The following RPH3A variants were observed in gnomAD, a reference collection of about 807,000 sequenced individuals.
RPH3A encodes rabphilin 3A.
RPH3A carries 48 observed loss-of-function variants against 102.2 expected under a neutral mutation model. The observed-to-expected ratio is 0.47, with a 90% CI of 0.37 to 0.60. RPH3A has a LOEUF of 0.60. Among genes scored for constraint, RPH3A ranks in the 20% least tolerant of loss-of-function variants. The pLI is 0.00. For synonymous variants in RPH3A, 310 were observed against 324.3 expected (o/e 0.96, Z 0.47); for missense variants, 781 against 910.1 (o/e 0.86, Z 1.83).
At chr12:112,660,645 A>G (rs538617872) in intron 1 of RPH3A, among the ~76,000 whole-genome samples, 8 of 152,300 alleles carry the variant, frequency 5.3e-5, no homozygotes, top group Non-Finnish European at 1.0e-4. Context: ...TGATTTCACA[A>G]TTGCACTCCA....
rs976419933 is a variant in RPH3A at position 112,858,336 on chromosome 12, A to G, written c.231-7078A>G. Among the ~76,000 whole-genome samples the G allele has an allele frequency of 2.0e-5, 3 of 151,300 alleles. No individual in the cohort carries two copies. In the East Asian group the frequency reaches 5.8e-4, roughly 29 times the overall value. ...GAAAAAAAAAGGCGGGCGGGGGTGA[A>G]GTTGGGTCTCCTCCACTGAAAGCCC... On this transcript the variant is annotated intron_variant, in intron 5 of 21. Transcript: ENST00000389385.
chr12:112,832,519 G>C (rs143355877), intron 3 of RPH3A, among the ~76,000 whole-genome samples: 2 of 152,264 alleles, frequency 1.3e-5, no homozygotes, highest in African/African-American at 4.8e-5. Flanking sequence ...TTGTGAGCCA[G>C]TTAATAAACA....
At chr12:112,614,688 C>CA (rs35810360) in intron 1 of RPH3A, among the ~76,000 whole-genome samples, 1,282 of 26,950 alleles carry the variant, frequency 0.048, 116 homozygotes, top group Non-Finnish European at 0.05. Context: ...GACCCTGCCT[C>CA]AAAAAAAAAA....
chr12:112,685,418 G>A (rs2040256512), intron 1 of RPH3A, among the ~76,000 whole-genome samples: 1 of 152,208 alleles, frequency 6.6e-6, no homozygotes, highest in Admixed American at 6.5e-5. Flanking sequence ...CTCAGCCACT[G>A]TGGCTGCTGT....
At chr12:112,641,460 A>G (rs2039889797) in intron 1 of RPH3A, among the ~76,000 whole-genome samples, 2 of 152,174 alleles carry the variant, frequency 1.3e-5, no homozygotes, top group Non-Finnish European at 2.9e-5. Flanking sequence ...GCAGTGGTGC[A>G]TTCTTGGCTC....
chr12:112,890,225 T>G (rs1169198231), intron 18 of RPH3A, 145 bp downstream of exon 18: 1 of 720,044 alleles, frequency 1.4e-6, no homozygotes, highest in South Asian at 1.7e-5. Context: ...AACAACCCTT[T>G]GCCCACAAGT....
intron 1 of RPH3A, among the ~76,000 whole-genome samples, chr12:112,597,136 C>T (rs182995029): frequency 1.4e-3 from 211 of 152,262 alleles, no homozygotes; most frequent in Admixed American, 3.2e-3. Flanking sequence ...CTGTACACAC[C>T]AAACTGACAC....
intron 1 of RPH3A, among the ~76,000 whole-genome samples, chr12:112,616,529 A>T (rs538123256): frequency 6.6e-6 from 1 of 152,318 alleles, no homozygotes; most frequent in Non-Finnish European, 1.5e-5. Context: ...CCCAGAGACA[A>T]TAATACCTTA....
At chr12:112,645,749 G>C (rs2039924919) in intron 1 of RPH3A, among the ~76,000 whole-genome samples, 1 of 152,154 alleles carries the variant, frequency 6.6e-6, no homozygotes, top group African/African-American at 2.4e-5. Flanking sequence ...ATCGCTTCTA[G>C]TAGATCTGAT....
chr12:112,679,753 G>T (rs573179816), intron 1 of RPH3A, among the ~76,000 whole-genome samples: 1 of 152,330 alleles, frequency 6.6e-6, no homozygotes, highest in South Asian at 2.1e-4. Flanking sequence ...ATGAGGCTGT[G>T]CCAGGGGTTT....
chr12:112,830,738 A>AT (rs1395213319), intron 3 of RPH3A, among the ~76,000 whole-genome samples: 1 of 151,754 alleles, frequency 6.6e-6, no homozygotes, highest in East Asian at 1.9e-4. Context: ...TCTAATAATG[A>AT]TTTTTTGTCC....
intron 5 of RPH3A, among the ~76,000 whole-genome samples, chr12:112,863,637 T>G (rs1439326398): frequency 6.6e-6 from 1 of 152,248 alleles, no homozygotes. Context: ...TAGTTTTGGC[T>G]CTGCCACTTC....
chr12:112,810,820 T>C (rs150594440), intron 2 of RPH3A, among the ~76,000 whole-genome samples: 128 of 152,324 alleles, frequency 8.4e-4, no homozygotes, highest in South Asian at 3.7e-3. Flanking sequence ...TTCTTCATTG[T>C]AAGAGGAAAA....
At chr12:112,581,942 A>G (rs992085687) in intron 1 of RPH3A, among the ~76,000 whole-genome samples, 1 of 147,742 alleles carries the variant, frequency 6.8e-6, no homozygotes, top group Non-Finnish European at 1.5e-5. Context: ...TTTTTCCCAG[A>G]TCTAAGATTC....
intron 1 of RPH3A, among the ~76,000 whole-genome samples, chr12:112,665,765 C>A (rs778470888): frequency 6.6e-5 from 10 of 152,158 alleles, no homozygotes; most frequent in Non-Finnish European, 1.2e-4. Context: ...GGTCTATCTC[C>A]TTCATTGCAT....
intron 1 of RPH3A, among the ~76,000 whole-genome samples, chr12:112,698,368 A>T (rs920365233): frequency 6.6e-6 from 1 of 152,256 alleles, no homozygotes; most frequent in Non-Finnish European, 1.5e-5. Context: ...AGCTAAGACA[A>T]AAAAGCATAA....
intron 2 of RPH3A, among the ~76,000 whole-genome samples, chr12:112,826,679 TCAAA>T (rs993943112): frequency 1.2e-4 from 19 of 152,338 alleles, no homozygotes; most frequent in African/African-American, 4.6e-4. Flanking sequence ...GTCAATATAA[TCAAA>T]CAGTGTGTTC....
intron 1 of RPH3A, among the ~76,000 whole-genome samples, chr12:112,729,895 A>G (rs1337658799): frequency 6.6e-6 from 1 of 152,238 alleles, no homozygotes; most frequent in African/African-American, 2.4e-5. Context: ...TTATTTGGAA[A>G]TAGCGTTGCA....
At chr12:112,581,774 G>A (rs1430387418) in intron 1 of RPH3A, among the ~76,000 whole-genome samples, 1 of 147,996 alleles carries the variant, frequency 6.8e-6, no homozygotes, top group Non-Finnish European at 1.5e-5. Flanking sequence ...GTAATCTGTT[G>A]TGCTTGAACC....
Sources: gnomAD v4.1 joint callset for allele counts (sites outside exome capture counted in the v4.1 genomes callset) on GRCh38, gnomAD v4.1.1 for gene constraint, MANE v1.5 for transcripts, NCBI Gene and HGNC (gene_info 2026-07-23, HGNC 2026-07-21) for gene names.